KIF13A: variants seen among roughly 807,000 people sequenced by gnomAD.
The protein encoded by KIF13A is kinesin family member 13A, also known as kinesin-like protein KIF13A.
A neutral mutation model predicts 212.2 loss-of-function variants in KIF13A; 79 were observed. The ratio of observed to expected loss-of-function variants is 0.37; its 90% confidence interval spans 0.31 to 0.45. The LOEUF (loss-of-function observed/expected upper bound fraction) is 0.45. Among genes scored for constraint, KIF13A ranks in the 20% least tolerant of loss-of-function variants. The pLI is 1.00. For synonymous variants in KIF13A, 789 were observed against 808.6 expected, an observed-to-expected ratio of 0.98 and a Z score of 0.41; for missense variants, 1,901 against 2,209.0, an observed-to-expected ratio of 0.86 and a Z score of 2.79.
At chr6:17,841,606 T>G (rs1766514914) in intron 9 of KIF13A, among the ~76,000 whole-genome samples, 1 of 152,094 alleles carries the variant, frequency 6.6e-6, no homozygotes, top group Non-Finnish European at 1.5e-5. Flanking sequence ...CCAATTCCCA[T>G]GTATATTTTG....
chr6:17,946,454 C>CA (rs906487858), intron 2 of KIF13A, among the ~76,000 whole-genome samples: 10 of 145,782 alleles, frequency 6.9e-5, no homozygotes, highest in African/African-American at 2.5e-4. Flanking sequence ...AAAAAAAAAA[C>CA]AAAAAAGAGA....
intron 20 of KIF13A, among the ~76,000 whole-genome samples, chr6:17,802,680 A>G (rs1762569434): frequency 6.6e-6 from 1 of 152,036 alleles, no homozygotes; most frequent in African/African-American, 2.4e-5. Flanking sequence ...AAAGCATACC[A>G]CAGACTCCAA....
At chr6:17,784,665 A>G (rs892004325) in intron 28 of KIF13A, among the ~76,000 whole-genome samples, 1 of 152,200 alleles carries the variant, frequency 6.6e-6, no homozygotes, top group Non-Finnish European at 1.5e-5. Flanking sequence ...GAGAGACTGA[A>G]GTAAGGAGAC....
chr6:17,891,389 C>T (rs912931104), intron 3 of KIF13A, among the ~76,000 whole-genome samples: 5 of 152,146 alleles, frequency 3.3e-5, no homozygotes, highest in African/African-American at 1.2e-4. Flanking sequence ...ATTACACATG[C>T]TACATAAAAA....
chr6:17,887,217 A>T (rs1771626205), intron 3 of KIF13A, among the ~76,000 whole-genome samples: 1 of 152,178 alleles, frequency 6.6e-6, no homozygotes, highest in Non-Finnish European at 1.5e-5. Flanking sequence ...AGTCCCAGAT[A>T]GGGGTTGTTC....
chr6:17,985,382 T>C (rs973869191), intron 2 of KIF13A, among the ~76,000 whole-genome samples: 1 of 152,142 alleles, frequency 6.6e-6, no homozygotes, highest in African/African-American at 2.4e-5. Context: ...CTGTCCACAG[T>C]TATAGATTGT....
At chr6:17,778,759 G>A (rs1483970465) in intron 33 of KIF13A, among the ~76,000 whole-genome samples, 188 bp downstream of exon 33, 2 of 152,142 alleles carry the variant, frequency 1.3e-5, no homozygotes, top group Admixed American at 6.5e-5. Flanking sequence ...GCAAGTAGGG[G>A]TTATTCAATA....
At chr6:17,881,855 G>A (rs1040861208) in intron 3 of KIF13A, 1 of 368,164 alleles carries the variant, frequency 2.7e-6, no homozygotes, top group South Asian at 2.0e-5. Context: ...AATTAGCTGG[G>A]TATGGTGGCA....
chr6:17,955,310 AT>A, intron 2 of KIF13A, among the ~76,000 whole-genome samples: 1 of 143,506 alleles, frequency 7.0e-6, no homozygotes, highest in Non-Finnish European at 1.5e-5. Context: ...ACCTGTTTTG[AT>A]TTAAATATAA....
Position 17,796,257 on chromosome 6 carries a change from A to G in KIF13A, c.2942+412T>C, listed in dbSNP as rs570664297. On this transcript the variant is annotated intron_variant, in intron 23 of 38. Coordinates refer to ENST00000259711, the MANE Select transcript of KIF13A (RefSeq NM_022113.6). ...CACTCTGTTGCCCAGGCTGGAGTGCAGTGGCACGATCTTGGCTCACTGAAA... is the reference window on the plus strand; with the variant it reads ...CACTCTGTTGCCCAGGCTGGAGTGCGGTGGCACGATCTTGGCTCACTGAAA... Among the ~76,000 whole-genome samples, 22 of 147,414 alleles carry G rather than the reference A, an allele frequency of 1.5e-4. 1 individual carries two copies. In the South Asian group the frequency reaches 2.3e-3, roughly 16 times the overall value.
chr6:17,776,267 ACT>A lies in KIF13A; in HGVS notation c.4170+1008_4170+1009del, dbSNP rs1160389964. ...TATATATTTCCTAATAGTAGCCCTC[ACT>A]CTCTCATTTTTTCTACTGTCTAGTA... On this transcript the variant is annotated intron_variant, in intron 34 of 38. Transcript: ENST00000259711. The surrounding 1 kb of genome is among the most constrained non-coding windows in gnomAD (Gnocchi z 4.6). Among the ~76,000 whole-genome samples, 9 of 151,882 alleles carry A rather than the reference ACT, an allele frequency of 5.9e-5. No individual in the cohort carries two copies. The highest frequency in any genetic ancestry group is 1.3e-4 in the Non-Finnish European group (9 of 67,980).
rs1772443981 is a variant in KIF13A, at chr6:17,895,096, G to T, written c.159+3072C>A. Among the ~76,000 whole-genome samples, 1 of 152,144 alleles carries T rather than the reference G, an allele frequency of 6.6e-6. No homozygotes were observed. Among genetic ancestry groups the T allele is most frequent in the Non-Finnish European group, 1.5e-5 (1 of 68,016 alleles). On this transcript the variant is annotated intron_variant, in intron 3 of 38. Coordinates refer to ENST00000259711, the MANE Select transcript of KIF13A (RefSeq NM_022113.6). This position sits in a 1 kb window ranked among gnomAD's most constrained non-coding sequence, Gnocchi z 4.4. ...TTCGGTTTTGGGTTTTTCAGATTGA[G>T]GATTTATTTCTATTGGGTTATTTTC... is the stretch of plus-strand genomic sequence containing the variant.
Position 17,763,943 on chromosome 6 carries a change from G to T in KIF13A, c.*167C>A. The T allele has an allele frequency of 7.0e-7, 1 of 1,437,078 alleles. No individual in the cohort carries two copies. The highest frequency in any genetic ancestry group is 9.1e-7 in the Non-Finnish European group (1 of 1,099,188). The allele number at this position is 1,437,078 out of a possible 1,614,324, so 89.0% of individuals were successfully genotyped here. On this transcript the variant is annotated 3_prime_UTR_variant, in exon 39 of 39. Transcript: ENST00000259711. ...CCACTGGTCTTATAATTTCACAATT[G>T]CGTTCTAGTTCCCAAAACAGACTTG...
chr6:17,826,224 T>C lies in KIF13A; in HGVS notation c.1533-100A>G. 1 of 814,544 alleles carries C rather than the reference T, an allele frequency of 1.2e-6. No individual in the cohort carries two copies. Among genetic ancestry groups the C allele is most frequent in the Non-Finnish European group, 2.1e-6 (1 of 487,754 alleles). The allele number at this position is 814,544 out of a possible 1,614,324, so 50.5% of individuals were successfully genotyped here. On this transcript the variant is annotated intron_variant, in intron 14 of 38. Coordinates refer to ENST00000259711, the MANE Select transcript of KIF13A (RefSeq NM_022113.6). The surrounding 1 kb of genome is among the most constrained non-coding windows in gnomAD (Gnocchi z 4.7). ...ACTAGGGGAGCTTTCTCTTAATAAA[T>C]GCATTCCAACTAACGCTTAAAGAAG...
rs985417926 is a variant in KIF13A at position 17,919,985 on chromosome 6, T to G, written c.147-21805A>C. ...GCAGGTTGAGTTAGAAGAAAATTTT[T>G]TGTTGGATTAGGATTTATTTTAGAT... On this transcript the variant is annotated intron_variant, in intron 2 of 38. Transcript: ENST00000259711. This position sits in a 1 kb window ranked among gnomAD's most constrained non-coding sequence, Gnocchi z 4.1. Among the ~76,000 whole-genome samples the G allele has an allele frequency of 6.6e-6, 1 of 152,212 alleles. No individual in the cohort carries two copies. Among genetic ancestry groups the G allele is most frequent in the African/African-American group, 2.4e-5 (1 of 41,458 alleles).
chr6:17,951,420 T>C lies in KIF13A; in HGVS notation c.146+35634A>G. 1.7e-6 allele frequency: 1 copy of C among 584,974 alleles called. No individual in the cohort carries two copies. The highest frequency in any genetic ancestry group is 3.0e-6 in the Non-Finnish European group (1 of 328,002). 36.2% of individuals were successfully genotyped at this position (584,974 alleles called of 1,614,324 possible). On this transcript the variant is annotated intron_variant, in intron 2 of 38. Transcript: ENST00000259711. This position sits in a 1 kb window ranked among gnomAD's most constrained non-coding sequence, Gnocchi z 4.9. ...TGCTGGAATTAGAGATGTGAGCCAC[T>C]GTGACCAGCCTCAATTTAAAAAAAA...
At chr6:17,983,301 A>G (rs1233104163) in intron 2 of KIF13A, among the ~76,000 whole-genome samples, 1 of 152,194 alleles carries the variant, frequency 6.6e-6, no homozygotes, top group Non-Finnish European at 1.5e-5. Context: ...ACTAAATGAC[A>G]GTGGCTACCC....
At chr6:17,889,071 C>T (rs1300089004) in intron 3 of KIF13A, among the ~76,000 whole-genome samples, 2 of 152,062 alleles carry the variant, frequency 1.3e-5, no homozygotes, top group Non-Finnish European at 2.9e-5. Flanking sequence ...AGGCCAAATG[C>T]TTAGTAGCAA....
rs1193005683 is a variant in KIF13A, at chr6:17,828,076, C to T, written c.1532+164G>A. On this transcript the variant is annotated intron_variant, in intron 14 of 38. Transcript: ENST00000259711. This position sits in a 1 kb window ranked among gnomAD's most constrained non-coding sequence, Gnocchi z 4.3. ...TAGAACTCGCATACAAAAATAGTCACTCCTTCACAGTAATCACTCTCTACA... is the reference window on the plus strand; with the variant it reads ...TAGAACTCGCATACAAAAATAGTCATTCCTTCACAGTAATCACTCTCTACA... Among the ~76,000 whole-genome samples, 1 of 152,194 alleles carries T rather than the reference C, an allele frequency of 6.6e-6. No individual in the cohort carries two copies. The highest frequency in any genetic ancestry group is 1.5e-5 in the Non-Finnish European group (1 of 68,040).
Sources: gnomAD v4.1 joint callset for allele counts (sites outside exome capture counted in the v4.1 genomes callset) on GRCh38, gnomAD v4.1.1 for gene constraint, Gnocchi (gnomAD v3.1) non-coding constraint, MANE v1.5 for transcripts, NCBI Gene and HGNC (gene_info 2026-07-23, HGNC 2026-07-21) for gene names.